DNAJB12: variants seen among roughly 807,000 people sequenced by gnomAD.
DNAJB12 encodes dnaJ homolog subfamily B member 12.
A neutral mutation model predicts 40.6 loss-of-function variants in DNAJB12; 14 were observed. That is an observed-to-expected ratio of 0.34 (90% CI 0.23 to 0.54). The LOEUF is 0.54. DNAJB12 is among the 20% of genes least tolerant of loss of function. The pLI is 0.92. For synonymous variants in DNAJB12, 181 were observed against 199.5 expected (o/e 0.91, Z 0.78); for missense variants, 444 against 501.7 (o/e 0.89, Z 1.10).
At position 72,341,119 on chromosome 10, in the gene DNAJB12, T is replaced by C; in HGVS notation, c.509A>G (p.Tyr170Cys). 1 of 1,614,076 alleles carries C rather than the reference T, an allele frequency of 6.2e-7. No homozygotes were observed. The highest frequency in any genetic ancestry group is 1.1e-5 in the South Asian group (1 of 91,086). ...VLSNPEKRKQ[Y>C]DQFGDDKSQA... ...GCTCTTGTCATCGCCGAACTGGTCA[T>C]ACTGCTTCCTCTTCTCCGGGTTGCT... is the stretch of plus-strand genomic sequence containing the variant. Residue 170 changes from tyrosine to cysteine, a missense_variant, in exon 4 of 9, where the codon TAT becomes TGT. By Grantham distance (194) the Tyr-to-Cys change is radical. Transcript: ENST00000444643.
chr10:72,344,428 AAGCCTG>A (rs1057153169), intron 2 of DNAJB12, among the ~76,000 whole-genome samples: 8 of 152,208 alleles, frequency 5.3e-5, no homozygotes, highest in African/African-American at 1.9e-4. Context: ...GGGAACGTCT[AAGCCTG>A]AGGAGCCTTG....
intron 3 of DNAJB12, among the ~76,000 whole-genome samples, chr10:72,341,416 A>C (rs949738071): frequency 6.6e-6 from 1 of 152,176 alleles, no homozygotes; most frequent in Non-Finnish European, 1.5e-5. Context: ...ACAATGGTCA[A>C]GCTTTGTCAA....
intron 5 of DNAJB12, among the ~76,000 whole-genome samples, chr10:72,338,831 A>G (rs1434855516): frequency 6.6e-6 from 1 of 152,164 alleles, no homozygotes; most frequent in Non-Finnish European, 1.5e-5. Flanking sequence ...CAAAATAAAA[A>G]TTAGAAATAG....
intron 1 of DNAJB12, among the ~76,000 whole-genome samples, chr10:72,350,046 T>C (rs1861894222): frequency 6.6e-6 from 1 of 151,942 alleles, no homozygotes; most frequent in African/African-American, 2.4e-5. Context: ...AGAGCTGCGG[T>C]GGAGAGGCAC....
At chr10:72,351,605 C>T (rs1861937375) in intron 1 of DNAJB12, among the ~76,000 whole-genome samples, 1 of 152,260 alleles carries the variant, frequency 6.6e-6, no homozygotes. Context: ...TGGCCGCTGC[C>T]CTCTCCGGGG....
intron 6 of DNAJB12, 97 bp from the exon 7 acceptor site, chr10:72,336,793 G>C (rs2131979264): frequency 9.7e-7 from 1 of 1,033,880 alleles, no homozygotes; most frequent in Non-Finnish European, 1.4e-6. Flanking sequence ...GCACAGACCA[G>C]AGGAGTAGTT....
chr10:72,342,622 C>G (rs1174513035), intron 3 of DNAJB12, among the ~76,000 whole-genome samples: 1 of 152,200 alleles, frequency 6.6e-6, no homozygotes, highest in East Asian at 1.9e-4. Context: ...ACACCCCGCC[C>G]AGGCCAGTGG....
At chr10:72,349,415 A>G (rs1252858930) in intron 1 of DNAJB12, among the ~76,000 whole-genome samples, 1 of 152,190 alleles carries the variant, frequency 6.6e-6, no homozygotes, top group Admixed American at 6.5e-5. Flanking sequence ...TGGAACCAGT[A>G]GTAACCATGA....
intron 1 of DNAJB12, among the ~76,000 whole-genome samples, chr10:72,347,813 T>C (rs1344418813): frequency 6.6e-6 from 1 of 151,722 alleles, no homozygotes; most frequent in Admixed American, 6.6e-5. Context: ...CTAGGGAGGC[T>C]GAGGCAGCAG....
rs1249278911 is a variant in DNAJB12, at chr10:72,334,337, G to C, written c.*311C>G. 3 of 519,040 alleles carry C rather than the reference G, an allele frequency of 5.8e-6. No homozygotes were observed. The highest frequency in any genetic ancestry group is 1.0e-5 in the Non-Finnish European group (3 of 298,814). The allele number at this position is 519,040 out of a possible 1,614,324, so 32.2% of individuals were successfully genotyped here. The stretch of plus-strand genomic sequence containing the variant: ...AGCCCTTCCCACTGATATCTGCTGC[G>C]AGTTTTACATTCTACTTTCGTTGCC... On this transcript the variant is annotated 3_prime_UTR_variant, in exon 9 of 9. Coordinates refer to ENST00000444643, the MANE Select transcript of DNAJB12 (RefSeq NM_017626.7).
At chr10:72,342,766 A>T (rs1861674578) in intron 3 of DNAJB12, among the ~76,000 whole-genome samples, 1 of 152,244 alleles carries the variant, frequency 6.6e-6, no homozygotes, top group South Asian at 2.1e-4. Flanking sequence ...AGTACACATG[A>T]GCGCCTGACA....
chr10:72,348,335 A>T (rs1034322717), intron 1 of DNAJB12, among the ~76,000 whole-genome samples: 2 of 152,262 alleles, frequency 1.3e-5, no homozygotes, highest in African/African-American at 2.4e-5. Flanking sequence ...ACGAAACCTC[A>T]GTCAGGCCTG....
Position 72,343,796 on chromosome 10 carries a change from C to T in DNAJB12, c.312-285G>A, listed in dbSNP as rs773915357. On this transcript the variant is annotated intron_variant, in intron 2 of 8. Transcript: ENST00000444643. Reference sequence around the variant, plus strand: ...GGTTCGCCAGGCCAGTATCTATCTTCCCCATGGGAAGAGCTCAGGAGGACT... The same window carrying T: ...GGTTCGCCAGGCCAGTATCTATCTTTCCCATGGGAAGAGCTCAGGAGGACT... 2.3e-4 allele frequency among the ~76,000 whole-genome samples: 35 copies of T among 152,008 alleles called. 1 individual carries two copies. The highest frequency in any genetic ancestry group is 4.6e-4 in the Non-Finnish European group (31 of 68,024).
At chr10:72,334,874 G>T in intron 8 of DNAJB12, 1 of 1,304,282 alleles carries the variant, frequency 7.7e-7, no homozygotes, top group Non-Finnish European at 9.7e-7. Flanking sequence ...CCCACACAGA[G>T]AAGAACCTTC....
intron 3 of DNAJB12, among the ~76,000 whole-genome samples, chr10:72,343,049 C>T (rs1589128333): frequency 6.6e-6 from 1 of 152,218 alleles, no homozygotes; most frequent in Non-Finnish European, 1.5e-5. Context: ...GAAGCGCACA[C>T]GGTGAGTCAC....
chr10:72,336,506 C>T lies in DNAJB12; in HGVS notation c.1006+18G>A. ...AGCCACCTCCCAAATACAGCCCCCG[C>T]CTTCCCCCCACACTCACTCTGCTGC... is the stretch of plus-strand genomic sequence containing the variant. On this transcript the variant is annotated intron_variant, in intron 7 of 8. Transcript: ENST00000444643. 1.9e-6 allele frequency: 3 copies of T among 1,610,854 alleles called. No individual in the cohort carries two copies. In the South Asian group the frequency reaches 3.3e-5, roughly 18 times the overall value.
intron 1 of DNAJB12, chr10:72,354,195 G>T (rs1203855181): frequency 6.5e-6 from 1 of 152,936 alleles, no homozygotes; most frequent in Non-Finnish European, 1.5e-5. Flanking sequence ...CTTCAGGACA[G>T]TCCGAGGCGG....
intron 1 of DNAJB12, chr10:72,353,384 G>T (rs1031972616): frequency 6.6e-6 from 1 of 152,270 alleles, no homozygotes; most frequent in African/African-American, 2.4e-5. Flanking sequence ...CTCTCCAAGG[G>T]GAGGCAAACA....
At chr10:72,348,291 T>C (rs949583721) in intron 1 of DNAJB12, among the ~76,000 whole-genome samples, 2 of 152,206 alleles carry the variant, frequency 1.3e-5, no homozygotes, top group Non-Finnish European at 2.9e-5. Flanking sequence ...CCCAAGTCTC[T>C]GGCAGCAGGT....
Sources: allele counts gnomAD v4.1 joint callset (sites outside exome capture counted in the v4.1 genomes callset), GRCh38; gene constraint gnomAD v4.1.1; transcripts MANE v1.5; gene names NCBI Gene and HGNC (gene_info 2026-07-23, HGNC 2026-07-21).